SIGLEC1: variants seen among roughly 807,000 people sequenced by gnomAD.
The protein encoded by SIGLEC1 is sialic acid binding Ig like lectin 1, also known as sialoadhesin.
In SIGLEC1, 132 loss-of-function variants were observed where a neutral mutation model predicts 148.0. The ratio of observed to expected loss-of-function variants is 0.89; its 90% confidence interval spans 0.77 to 1.03. The LOEUF (loss-of-function observed/expected upper bound fraction) is 1.03, where lower values mean the gene tolerates loss of function less well. Among genes scored for constraint, SIGLEC1 ranks in the 50% least tolerant of loss-of-function variants. SIGLEC1 has a pLI of 0.00. For missense variants in SIGLEC1, 2,253 were observed against 2,271.4 expected, an observed-to-expected ratio of 0.99 and a Z score of 0.16; for synonymous variants, 945 against 969.0, an observed-to-expected ratio of 0.98 and a Z score of 0.46.
intron 2 of SIGLEC1, 52 bp downstream of exon 2, chr20:3,707,028 G>T: frequency 6.4e-7 from 1 of 1,569,836 alleles, no homozygotes; most frequent in Non-Finnish European, 8.8e-7. Context: ...CCAAGGGCTG[G>T]ACTTATGAAG....
At position 3,693,477 on chromosome 20, in the gene SIGLEC1, G is replaced by A. The variant is rs1043514814; in HGVS notation, c.3478C>T (p.Leu1160Phe). The change falls in exon 14 of 22, where the codon CTC becomes TTC. Residue 1160 changes from leucine to phenylalanine, a missense_variant. By Grantham distance (22) the Leu-to-Phe change is conservative (BLOSUM62 0). Transcript: ENST00000344754. ...ACGTCCAAGGTGATAGGTCTGGAGA[G>A]GCGGGGTGCCCGACCAGGGGGGCCC... ...GVGPPGRAPR[L>F]SRPITLDVLY... The A allele has an allele frequency of 1.2e-6, 2 of 1,600,042 alleles. No homozygotes were observed. Among genetic ancestry groups the A allele is most frequent in the African/African-American group, 2.7e-5 (2 of 74,854 alleles).
rs1483879121 is a variant in SIGLEC1 at position 3,699,425 on chromosome 20, C to T, written c.1563G>A (p.Val521=). 6.2e-7 allele frequency: 1 copy of T among 1,610,122 alleles called. No individual in the cohort carries two copies. The highest frequency in any genetic ancestry group is 8.5e-7 in the Non-Finnish European group (1 of 1,178,848). ...TCAGTGTCACTGCCTGTCCTTCCAC[C>T]ACCTCGGCTGCCGGGCTGATGAGGA... The part of the protein sequence containing the change: ...ARLLISPAAE[V]VEGQAVTLSC... The change falls in exon 8 of 22, where the codon GTG becomes GTA. Residue 521 remains valine, a synonymous_variant. Transcript: ENST00000344754.
chr20:3,690,020 G>A lies in SIGLEC1; in HGVS notation c.4836C>T (p.Ile1612=), dbSNP rs2088740069. The A allele has an allele frequency of 1.2e-6, 2 of 1,613,116 alleles. No homozygotes were observed. Among genetic ancestry groups the A allele is most frequent in the Non-Finnish European group, 1.7e-6 (2 of 1,179,852 alleles). ...AGCCCAGGACATTTGAGGCAGAACA[G>A]ATGTATTCCCCTTGGTCGCTGGGCC... ...ALRPSDQGEY[I]CSASNVLGSA... The change falls in exon 19 of 22, where the codon ATC becomes ATT. Residue 1612 remains isoleucine (I), a synonymous_variant. Transcript: ENST00000344754.
rs770415171 is a variant in SIGLEC1, at chr20:3,693,499, G to GCCCACACCGC, written c.3446_3455dup (p.Pro1153ArgfsTer87). ...AGAGGCGGGGTGCCCGACCAGGGGG[G>GCCCACACCGC]CCCACACCGCAGCGGTAGGAGGTGG... On this transcript the variant is annotated frameshift_variant, in exon 14 of 22. Transcript: ENST00000344754. LOFTEE classifies it high-confidence loss of function. 1 of 1,608,608 alleles carries GCCCACACCGC rather than the reference G, an allele frequency of 6.2e-7. No individual in the cohort carries two copies. The highest frequency in any genetic ancestry group is 8.5e-7 in the Non-Finnish European group (1 of 1,177,118).
chr20:3,691,880 C>T (rs1395745295), intron 17 of SIGLEC1, 23 bp downstream of exon 17: 2 of 1,550,350 alleles, frequency 1.3e-6, no homozygotes, highest in East Asian at 2.3e-5. Flanking sequence ...AGAGCCCCTC[C>T]TCCTCCCCTC....
At chr20:3,704,432 C>A (rs1409421705) in intron 4 of SIGLEC1, among the ~76,000 whole-genome samples, 1 of 152,214 alleles carries the variant, frequency 6.6e-6, no homozygotes, top group African/African-American at 2.4e-5. Flanking sequence ...GGGTACCCCA[C>A]TGCTAGCTTT....
chr20:3,693,812 G>C, intron 13 of SIGLEC1, 114 bp from the exon 14 acceptor site: 2 of 1,186,588 alleles, frequency 1.7e-6, no homozygotes, highest in Non-Finnish European at 2.3e-6. Context: ...CTTGGCCTTT[G>C]GGAGCCTTGG....
rs137955111 is a variant in SIGLEC1, at chr20:3,704,072, C to T, written c.726G>A (p.Lys242=). The change falls in exon 5 of 22, where the codon AAG becomes AAA. Residue 242 remains lysine (K), a synonymous_variant. Transcript: ENST00000344754. ...LQVKYAPKGV[K]ILLSPSGRNI... is the part of the protein sequence containing the mutation. ...TCCTCCCCGAGGGGCTGAGGAGGAT[C>T]TTCACACCCTTGGGGGCATCTGCAA... 2 of 1,613,034 alleles carry T rather than the reference C, an allele frequency of 1.2e-6. No homozygotes were observed. The highest frequency in any genetic ancestry group is 2.7e-5 in the African/African-American group (2 of 74,790).
chr20:3,701,226 GT>G, intron 7 of SIGLEC1, 115 bp downstream of exon 7: 12 of 973,574 alleles, frequency 1.2e-5, no homozygotes, highest in Non-Finnish European at 1.8e-5. Flanking sequence ...TTTATGTGGC[GT>G]AGCCAGTTAG....
Position 3,693,697 on chromosome 20 carries a change from A to C in SIGLEC1, c.3258T>G (p.Ala1086=). 3 of 1,573,104 alleles carry C rather than the reference A, an allele frequency of 1.9e-6. No individual in the cohort carries two copies. Among genetic ancestry groups the C allele is most frequent in the Non-Finnish European group, 2.6e-6 (3 of 1,156,624 alleles). The change falls in exon 14 of 22, where the codon GCT becomes GCG. Residue 1086 remains alanine (A), a splice_region_variant and synonymous_variant. Transcript: ENST00000344754. ...CCCCGGGCCACACCTGCACATTCAC[A>C]GCTGGGGAGAGGGAGGGCACAGGAC... The part of the protein sequence containing the change: ...ASASADFDAQ[A]VNVQVWPGAT...
At chr20:3,698,788 C>A (rs2087825946) in intron 8 of SIGLEC1, among the ~76,000 whole-genome samples, 1 of 152,254 alleles carries the variant, frequency 6.6e-6, no homozygotes, top group Admixed American at 6.5e-5. Flanking sequence ...CACGGAGCCT[C>A]CCCGCTTGGC....
chr20:3,708,079 C>T (rs892817751), intron 1 of SIGLEC1, among the ~76,000 whole-genome samples: 5 of 152,344 alleles, frequency 3.3e-5, no homozygotes, highest in African/African-American at 1.2e-4. Flanking sequence ...CAGCAAACCC[C>T]TTAGTGACTA....
In SIGLEC1 at chr20:3,703,251, C is replaced by G; in HGVS notation, c.1174G>C (p.Val392Leu). 1.2e-6 allele frequency: 2 copies of G among 1,614,184 alleles called. No homozygotes were observed. ...RADTGFYFCE[V>L]QNVHGSERSG... ...CGCTCGCTGCCATGGACGTTCTGCA[C>G]CTCACAGAAGTAGAAGCCAGTATCA... is the stretch of plus-strand genomic sequence containing the variant. Residue 392 changes from valine to leucine, a missense_variant, in exon 6 of 22, where the codon GTG becomes CTG. Transcript: ENST00000344754.
At chr20:3,711,159 T>C (rs1231125020) in intron 1 of SIGLEC1, among the ~76,000 whole-genome samples, 1 of 152,162 alleles carries the variant, frequency 6.6e-6, no homozygotes, top group African/African-American at 2.4e-5. Context: ...CCCTGAACCA[T>C]CCCTCCCTTG....
In SIGLEC1 at chr20:3,704,079, C is replaced by G. The variant is rs1374757341; in HGVS notation, c.719G>C (p.Gly240Ala). The G allele has an allele frequency of 1.2e-6, 2 of 1,612,474 alleles. No individual in the cohort carries two copies. The highest frequency in any genetic ancestry group is 2.2e-5 in the East Asian group (1 of 44,818). ...IHLQVKYAPK[G>A]VKILLSPSGR... ...CGAGGGGCTGAGGAGGATCTTCACA[C>G]CCTTGGGGGCATCTGCAAGTCACAG... The change falls in exon 5 of 22, where the codon GGT (glycine) becomes GCT (alanine). Residue 240 changes from glycine to alanine, a missense_variant. By Grantham distance (60) the Gly-to-Ala change is moderately conservative (BLOSUM62 0). Coordinates refer to ENST00000344754, the MANE Select transcript of SIGLEC1 (RefSeq NM_023068.4).
intron 11 of SIGLEC1, among the ~76,000 whole-genome samples, chr20:3,695,409 T>A (rs1427052508): frequency 6.6e-6 from 1 of 152,154 alleles, no homozygotes; most frequent in African/African-American, 2.4e-5. Context: ...TCTTGAGCGC[T>A]CTCGCCAGGC....
In SIGLEC1 at chr20:3,688,071, TCGTAACAGCCAGACTAG is replaced by T. The variant is rs2088716719; in HGVS notation, c.*472_*488del. ...TCCTGAGCCCCAACATCATAAACCA[TCGTAACAGCCAGACTAG>T]CGTGGGAGAGAAAAATAAAATTCTA... On this transcript the variant is annotated 3_prime_UTR_variant, in exon 22 of 22. Transcript: ENST00000344754. The T allele has an allele frequency of 5.5e-6, 1 of 180,224 alleles. No individual in the cohort carries two copies. The highest frequency in any genetic ancestry group is 2.4e-5 in the African/African-American group (1 of 41,636). The allele number at this position is 180,224 out of a possible 1,614,324, so 11.2% of individuals were successfully genotyped here.
Position 3,706,572 on chromosome 20 carries a change from C to T in SIGLEC1, c.184G>A (p.Asp62Asn), listed in dbSNP as rs374623939. The change falls in exon 3 of 22, where the codon GAC becomes AAC. Residue 62 changes from aspartate (D) to asparagine (N), a missense_variant. By Grantham distance (23) the Asp-to-Asn change is conservative. Coordinates refer to ENST00000344754, the MANE Select transcript of SIGLEC1 (RefSeq NM_023068.4). ...PDGITAIWYY[D>N]YSGQRQVVSH... ...ACCACCTGCCGCTGGCCCGAGTAGT[C>T]GTAGTACCAGATGGCCGTGATGCCG... The T allele has an allele frequency of 9.9e-5, 159 of 1,612,528 alleles. No homozygotes were observed. Among genetic ancestry groups the T allele is most frequent in the Non-Finnish European group, 1.2e-4 (138 of 1,179,770 alleles).
In SIGLEC1 at chr20:3,696,590, G is replaced by A. The variant is rs752033059; in HGVS notation, c.2679C>T (p.Val893=). The change falls in exon 11 of 22, where the codon GTC becomes GTT. Residue 893 remains valine, a synonymous_variant. Coordinates refer to ENST00000344754, the MANE Select transcript of SIGLEC1 (RefSeq NM_023068.4). ...GSSNTSLFFQ[V]RGAWVQVSPS... The stretch of plus-strand genomic sequence containing the variant: ...CTTCAGAAGACTGACACTCACCTCG[G>A]ACCTGGAAGAAGAGTGAGGTGTTGG... 4 of 1,605,676 alleles carry A rather than the reference G, an allele frequency of 2.5e-6. No homozygotes were observed. In the East Asian group the frequency reaches 8.9e-5, roughly 36 times the overall value.
Sources: gnomAD v4.1 joint callset for allele counts (sites outside exome capture counted in the v4.1 genomes callset) on GRCh38, gnomAD v4.1.1 for gene constraint, MANE v1.5 for transcripts, NCBI Gene and HGNC (gene_info 2026-07-23, HGNC 2026-07-21) for gene names.